The following EMP2 variants were observed in gnomAD, a reference collection of about 807,000 sequenced individuals.
EMP2 encodes epithelial membrane protein 2.
EMP2 carries 19 observed loss-of-function variants against 13.7 expected under a neutral mutation model. The ratio of observed to expected loss-of-function variants is 1.38; its 90% CI spans 0.97 to 2.03. EMP2 has a LOEUF of 2.03. EMP2 is among the 30% of genes most tolerant of loss of function. EMP2 has a pLI of 0.00. For missense variants in EMP2, 253 were observed against 220.7 expected, an observed-to-expected ratio of 1.15 and a Z score of -0.93; for synonymous variants, 97 against 84.7, an observed-to-expected ratio of 1.15 and a Z score of -0.80.
chr16:10,551,379 G>A (rs570289676), intron 1 of EMP2, among the ~76,000 whole-genome samples: 41 of 152,280 alleles, frequency 2.7e-4, no homozygotes, highest in South Asian at 6.2e-4. Flanking sequence ...CAGAGTTTAA[G>A]CATTCACTGA....
chr16:10,566,682 C>A (rs193034233), intron 1 of EMP2, among the ~76,000 whole-genome samples: 2 of 152,320 alleles, frequency 1.3e-5, no homozygotes, highest in Admixed American at 1.3e-4. Flanking sequence ...GAAGTCAGTT[C>A]TCCACTTCTC....
intron 1 of EMP2, among the ~76,000 whole-genome samples, chr16:10,567,092 C>T (rs1335963149): frequency 6.6e-6 from 1 of 151,972 alleles, no homozygotes; most frequent in African/African-American, 2.4e-5. Flanking sequence ...CTGCCTTCAG[C>T]TCTTGAAGCA....
chr16:10,572,231 G>C (rs2050953171), intron 1 of EMP2, among the ~76,000 whole-genome samples: 1 of 152,080 alleles, frequency 6.6e-6, no homozygotes, highest in Non-Finnish European at 1.5e-5. Context: ...TGAGGAGGGA[G>C]GATCACTTGA....
chr16:10,532,816 G>C lies in EMP2; in HGVS notation c.*89C>G. 5.6e-6 allele frequency: 2 copies of C among 358,940 alleles called. No homozygotes were observed. The highest frequency in any genetic ancestry group is 7.9e-6 in the Non-Finnish European group (2 of 252,792). 22.2% of individuals were successfully genotyped at this position (358,940 alleles called of 1,614,324 possible). On this transcript the variant is annotated 3_prime_UTR_variant, in exon 5 of 5. Transcript: ENST00000359543. ...TTTAAAGGAAACAATACGTTTGCTA[G>C]AAAAACCTCAAAAAATAATGATTAT...
intron 1 of EMP2, among the ~76,000 whole-genome samples, chr16:10,548,153 T>A (rs1214057930): frequency 1.3e-5 from 2 of 152,208 alleles, no homozygotes; most frequent in Non-Finnish European, 2.9e-5. Flanking sequence ...TGTCTGCTGT[T>A]GCATCCAGAC....
rs563625736 is a variant in EMP2, at chr16:10,551,913, A to C, written c.-60-4236T>G. 4.6e-5 allele frequency among the ~76,000 whole-genome samples: 7 copies of C among 152,214 alleles called. No individual in the cohort carries two copies. In the East Asian group the frequency reaches 1.3e-3, roughly 29 times the overall value. On this transcript the variant is annotated intron_variant, in intron 1 of 4. Coordinates refer to ENST00000359543, the MANE Select transcript of EMP2 (RefSeq NM_001424.6). ...GTCCACTCCTTGAGACCCAGGACAC[A>C]CTAACAATGAGCCAGGAGCTGTATG...
At chr16:10,533,628 C>G (rs2050625419) in intron 4 of EMP2, among the ~76,000 whole-genome samples, 1 of 152,090 alleles carries the variant, frequency 6.6e-6, no homozygotes, top group Non-Finnish European at 1.5e-5. Context: ...CACCTATAGA[C>G]AATACAAAAA....
chr16:10,551,516 C>T (rs2050788190), intron 1 of EMP2, among the ~76,000 whole-genome samples: 2 of 152,218 alleles, frequency 1.3e-5, no homozygotes, highest in South Asian at 4.1e-4. Flanking sequence ...AAGCGATTCT[C>T]CTGCCTCAGC....
intron 1 of EMP2, among the ~76,000 whole-genome samples, chr16:10,553,306 C>T (rs1037451242): frequency 6.6e-6 from 1 of 152,220 alleles, no homozygotes; most frequent in Non-Finnish European, 1.5e-5. Flanking sequence ...ATATTGATTG[C>T]GAGAACACTT....
At chr16:10,538,341 G>A (rs2050667170) in intron 3 of EMP2, among the ~76,000 whole-genome samples, 1 of 152,166 alleles carries the variant, frequency 6.6e-6, no homozygotes, top group Admixed American at 6.5e-5. Flanking sequence ...CATTCTTCCT[G>A]GTCTGGGTCA....
At chr16:10,562,389 T>G (rs2050878997) in intron 1 of EMP2, among the ~76,000 whole-genome samples, 1 of 151,492 alleles carries the variant, frequency 6.6e-6, no homozygotes, top group Non-Finnish European at 1.5e-5. Flanking sequence ...TCTATCTATC[T>G]CTCTCTCTCT....
At position 10,531,334 on chromosome 16, in the gene EMP2, C is replaced by G. The variant is rs1035903638; in HGVS notation, c.*1571G>C. 1 of 151,834 alleles carries G rather than the reference C, an allele frequency of 6.6e-6. No individual in the cohort carries two copies. The highest frequency in any genetic ancestry group is 2.4e-5 in the African/African-American group (1 of 40,934). 9.4% of individuals were successfully genotyped at this position (151,834 alleles called of 1,614,324 possible). ...TCACAGTGTGTAATTAGTTTCTTTT[C>G]TTTTTTTTCTTTTTTTGAGATGGAG... On this transcript the variant is annotated 3_prime_UTR_variant, in exon 5 of 5. Transcript: ENST00000359543.
Position 10,551,556 on chromosome 16 carries a change from G to C in EMP2, c.-60-3879C>G, listed in dbSNP as rs115461300. 3.1e-3 allele frequency among the ~76,000 whole-genome samples: 470 copies of C among 152,234 alleles called. 5 individuals carry two copies. The highest frequency in any genetic ancestry group is 0.011 in the African/African-American group (445 of 41,518). ...CCAGTAGCTGGGACTACAGGCACGT[G>C]CTACTACGCCTGGCTAATTTTTGCA... is the stretch of plus-strand genomic sequence containing the variant. On this transcript the variant is annotated intron_variant, in intron 1 of 4. Coordinates refer to ENST00000359543, the MANE Select transcript of EMP2 (RefSeq NM_001424.6).
intron 1 of EMP2, among the ~76,000 whole-genome samples, chr16:10,560,652 G>A (rs1252731631): frequency 6.6e-6 from 1 of 152,216 alleles, no homozygotes; most frequent in Admixed American, 6.5e-5. Flanking sequence ...GGACGGATAT[G>A]ACGTGATGGG....
chr16:10,578,428 G>A (rs1409007390), intron 1 of EMP2, among the ~76,000 whole-genome samples: 1 of 152,172 alleles, frequency 6.6e-6, no homozygotes, highest in African/African-American at 2.4e-5. Context: ...GTGGAGAAGC[G>A]GGGGCGGTTT....
rs1042784761 is a variant in EMP2, at chr16:10,534,832, G to A, written c.317-1740C>T. Reference sequence around the variant, plus strand: ...GACATTAGAGCTAAGATGAGCTTAGGTTCTGTGGTTTTCCTTGGGGGACCT... The same window carrying A: ...GACATTAGAGCTAAGATGAGCTTAGATTCTGTGGTTTTCCTTGGGGGACCT... On this transcript the variant is annotated intron_variant, in intron 4 of 4. Transcript: ENST00000359543. Among the ~76,000 whole-genome samples the A allele has an allele frequency of 1.6e-4, 25 of 152,336 alleles. No individual in the cohort carries two copies. The East Asian group carries it at 4.8e-3, about 29-fold the overall frequency.
At chr16:10,539,946 T>A (rs2050681427) in intron 3 of EMP2, among the ~76,000 whole-genome samples, 1 of 152,092 alleles carries the variant, frequency 6.6e-6, no homozygotes, top group African/African-American at 2.4e-5. Context: ...CCTCTCCCCC[T>A]GGAGATTCTG....
chr16:10,557,022 T>C (rs555489390), intron 1 of EMP2, among the ~76,000 whole-genome samples: 1 of 151,998 alleles, frequency 6.6e-6, no homozygotes, highest in Admixed American at 6.6e-5. Context: ...TTCGCTAAGG[T>C]TGAGGGATGA....
intron 1 of EMP2, among the ~76,000 whole-genome samples, chr16:10,579,709 C>CACACACACACACACACAA (rs1491266486): frequency 0.026 from 58 of 2,204 alleles, no homozygotes; most frequent in Admixed American, 0.14. Flanking sequence ...GATCAAGGTG[C>CACACACACACACACACAA]ACACACACAC....
Sources: gnomAD v4.1 joint callset for allele counts (sites outside exome capture counted in the v4.1 genomes callset) on GRCh38, gnomAD v4.1.1 for gene constraint, MANE v1.5 for transcripts, NCBI Gene and HGNC (gene_info 2026-07-23, HGNC 2026-07-21) for gene names.